ARHGAP24: variants seen among roughly 807,000 people sequenced by gnomAD.
ARHGAP24 encodes Rho GTPase activating protein 24.
A neutral mutation model predicts 76.4 loss-of-function variants in ARHGAP24; 50 were observed. That is an observed-to-expected ratio of 0.65 (90% CI 0.52 to 0.83). ARHGAP24 has a LOEUF of 0.83. Among genes scored for constraint, ARHGAP24 ranks in the 40% least tolerant of loss-of-function variants. ARHGAP24 has a pLI of 0.00. For missense variants in ARHGAP24, 930 were observed against 914.2 expected (o/e 1.02, Z -0.22); for synonymous variants, 345 against 323.3 (o/e 1.07, Z -0.72).
intron 1 of ARHGAP24, among the ~76,000 whole-genome samples, chr4:85,494,458 G>A (rs962323691): frequency 6.6e-5 from 10 of 151,900 alleles, no homozygotes; most frequent in Admixed American, 5.2e-4. Context: ...TGGCCAAGGC[G>A]GGTGGAACAC....
At chr4:85,962,502 G>T (rs1165044945) in intron 5 of ARHGAP24, among the ~76,000 whole-genome samples, 1 of 151,966 alleles carries the variant, frequency 6.6e-6, no homozygotes, top group African/African-American at 2.4e-5. Context: ...ATAGTATATA[G>T]TATAGGTGCT....
chr4:85,535,046 A>G (rs1484456350), intron 1 of ARHGAP24, among the ~76,000 whole-genome samples: 1 of 152,170 alleles, frequency 6.6e-6, no homozygotes, highest in African/African-American at 2.4e-5. Context: ...GAAGTATATG[A>G]AACATACATA....
At chr4:85,671,884 C>G (rs1560578937) in intron 2 of ARHGAP24, among the ~76,000 whole-genome samples, 4 of 152,152 alleles carry the variant, frequency 2.6e-5, no homozygotes, top group Admixed American at 6.5e-5. Context: ...ACTGAGAAAC[C>G]TCAAAGACCC....
chr4:85,880,933 G>A (rs1242369492), intron 3 of ARHGAP24, among the ~76,000 whole-genome samples: 2 of 152,106 alleles, frequency 1.3e-5, no homozygotes, highest in Non-Finnish European at 2.9e-5. Context: ...GTAGATGTTA[G>A]CAACCTCCGC....
At chr4:85,745,844 A>C (rs1262614489) in intron 3 of ARHGAP24, among the ~76,000 whole-genome samples, 4 of 152,176 alleles carry the variant, frequency 2.6e-5, no homozygotes, top group Admixed American at 2.6e-4. Flanking sequence ...AGAATCTATA[A>C]GTTTCCAAGT....
intron 3 of ARHGAP24, among the ~76,000 whole-genome samples, chr4:85,805,898 G>A (rs1487145370): frequency 1.3e-5 from 2 of 152,122 alleles, no homozygotes; most frequent in African/African-American, 4.8e-5. Context: ...CTCTCTAGAA[G>A]AATGCACATG....
Position 86,000,630 on chromosome 4 carries a change from C to G in ARHGAP24, c.2155C>G (p.Gln719Glu). The part of the protein sequence containing the change: ...EDAEKRNDML[Q>E]KEMEQFFSTF... Reference sequence around the variant, plus strand: ...TGCCGAGAAAAGAAATGACATGCTACAGAAAGAAATGGAGCAGTTTTTTTC... The same window carrying G: ...TGCCGAGAAAAGAAATGACATGCTAGAGAAAGAAATGGAGCAGTTTTTTTC... Residue 719 changes from glutamine (Q) to glutamate (E), a missense_variant, in exon 10 of 10, where the codon CAG becomes GAG. Coordinates refer to ENST00000395184, the MANE Select transcript of ARHGAP24 (RefSeq NM_001025616.3). 1.2e-6 allele frequency: 2 copies of G among 1,614,002 alleles called. No individual in the cohort carries two copies. Among genetic ancestry groups the G allele is most frequent in the Non-Finnish European group, 1.7e-6 (2 of 1,179,972 alleles).
At position 85,995,440 on chromosome 4, in the gene ARHGAP24, C is replaced by T. The variant is rs770420207; in HGVS notation, c.1786C>T (p.Pro596Ser). The part of the protein sequence containing the change: ...GNFEDPVLDG[P>S]PQDDLSHPRD... The stretch of plus-strand genomic sequence containing the variant: ...CTTTGAGGACCCTGTTTTGGATGGG[C>T]CCCCGCAGGACGACCTTTCCCACCC... The change falls in exon 9 of 10, where the codon CCC becomes TCC. Residue 596 changes from proline to serine, a missense_variant. By Grantham distance (74) the Pro-to-Ser change is moderately conservative (BLOSUM62 -1). Transcript: ENST00000395184. 5 of 1,609,276 alleles carry T rather than the reference C, an allele frequency of 3.1e-6. No homozygotes were observed. Among genetic ancestry groups the T allele is most frequent in the South Asian group, 1.1e-5 (1 of 90,722 alleles).
chr4:85,722,091 G>C, intron 3 of ARHGAP24, 119 bp downstream of exon 3: 4 of 913,652 alleles, frequency 4.4e-6, no homozygotes, highest in Middle Eastern at 2.1e-4. Context: ...TTTGAGGCTT[G>C]GTTAGTGTTG....
intron 1 of ARHGAP24, among the ~76,000 whole-genome samples, chr4:85,495,519 T>A (rs1257240328): frequency 1.3e-5 from 2 of 149,932 alleles, no homozygotes; most frequent in Admixed American, 6.6e-5. Flanking sequence ...CCCAGCTAAT[T>A]TTTTTATATT....
chr4:85,788,185 C>T (rs528593427), intron 3 of ARHGAP24, among the ~76,000 whole-genome samples: 72 of 152,212 alleles, frequency 4.7e-4, no homozygotes, highest in Non-Finnish European at 9.1e-4. Context: ...CCAGATTCCC[C>T]CTCATCCCCA....
Position 85,971,955 on chromosome 4 carries a change from A to T in ARHGAP24, c.600-81A>T, listed in dbSNP as rs991965813. The stretch of plus-strand genomic sequence containing the variant: ...AATTGCCAACTTGGATAGAATTCTG[A>T]CTCCTGGGCTCTTGAAAAACAATAA... On this transcript the variant is annotated intron_variant, in intron 5 of 9. Coordinates refer to ENST00000395184, the MANE Select transcript of ARHGAP24 (RefSeq NM_001025616.3). 6 of 1,600,728 alleles carry T rather than the reference A, an allele frequency of 3.7e-6. No homozygotes were observed. The African/African-American group carries it at 8.1e-5, about 21-fold the overall frequency.
chr4:85,612,712 T>A (rs1180458318), intron 2 of ARHGAP24, among the ~76,000 whole-genome samples: 2 of 151,790 alleles, frequency 1.3e-5, no homozygotes, highest in Non-Finnish European at 2.9e-5. Flanking sequence ...TTTTGCCATA[T>A]TTTTTCATAC....
intron 3 of ARHGAP24, among the ~76,000 whole-genome samples, chr4:85,837,650 G>A (rs1484186967): frequency 6.6e-6 from 1 of 152,126 alleles, no homozygotes. Context: ...CATGGGGGTG[G>A]GGACTTGAAA....
At chr4:85,723,094 A>G (rs539748606) in intron 3 of ARHGAP24, among the ~76,000 whole-genome samples, 1 of 152,318 alleles carries the variant, frequency 6.6e-6, no homozygotes, top group South Asian at 2.1e-4. Context: ...GCCTTATTAA[A>G]ATCCTTTTAT....
intron 5 of ARHGAP24, among the ~76,000 whole-genome samples, chr4:85,948,814 T>C (rs1737431367): frequency 6.6e-6 from 1 of 152,206 alleles, no homozygotes; most frequent in South Asian, 2.1e-4. Context: ...AAGCCATGTT[T>C]TCTTGTCAGC....
At chr4:85,685,894 A>G (rs1723406191) in intron 2 of ARHGAP24, among the ~76,000 whole-genome samples, 1 of 152,240 alleles carries the variant, frequency 6.6e-6, no homozygotes. Context: ...CTCTACTCCA[A>G]TTGGCAGTAG....
chr4:85,950,018 A>C (rs7688508), intron 5 of ARHGAP24, among the ~76,000 whole-genome samples: 243 of 152,290 alleles, frequency 1.6e-3, no homozygotes, highest in African/African-American at 5.7e-3. Context: ...GCTAGTGAGT[A>C]AAGTGGTGGA....
At chr4:85,698,691 G>A (rs767247291) in intron 2 of ARHGAP24, among the ~76,000 whole-genome samples, 4 of 152,164 alleles carry the variant, frequency 2.6e-5, no homozygotes, top group Non-Finnish European at 4.4e-5. Context: ...GGGTTCTGGC[G>A]AGGGCTTCTT....
Sources: gnomAD v4.1 joint callset for allele counts (sites outside exome capture counted in the v4.1 genomes callset) on GRCh38, gnomAD v4.1.1 for gene constraint, MANE v1.5 for transcripts, NCBI Gene and HGNC (gene_info 2026-07-23, HGNC 2026-07-21) for gene names.